Variants in CRIM1 observed in about 807,000 individuals in gnomAD.
CRIM1 encodes the protein cysteine-rich motor neuron 1 protein.
CRIM1 carries 32 observed loss-of-function variants against 116.4 expected under a neutral mutation model. The observed-to-expected ratio is 0.27, with a 90% CI of 0.21 to 0.37. The LOEUF (loss-of-function observed/expected upper bound fraction) is 0.37. CRIM1 is among the 10% of genes least tolerant of loss of function. CRIM1 has a pLI of 1.00. For missense variants in CRIM1, 1,331 were observed against 1,354.8 expected (o/e 0.98, Z 0.28); for synonymous variants, 590 against 509.2 (o/e 1.16, Z -2.13).
At chr2:36,424,284 T>C (rs776348509) in intron 2 of CRIM1, among the ~76,000 whole-genome samples, 12 of 152,184 alleles carry the variant, frequency 7.9e-5, no homozygotes, top group Non-Finnish European at 1.5e-4. Flanking sequence ...TGAAGAGATA[T>C]TCACAGAGGA....
intron 8 of CRIM1, among the ~76,000 whole-genome samples, chr2:36,505,887 T>C (rs2125098329): frequency 6.6e-6 from 1 of 152,308 alleles, no homozygotes; most frequent in East Asian, 1.9e-4. Context: ...TTCAAACACA[T>C]ACCATACCCA....
chr2:36,458,603 C>T (rs923619003), intron 4 of CRIM1, among the ~76,000 whole-genome samples: 5 of 152,190 alleles, frequency 3.3e-5, no homozygotes, highest in South Asian at 4.2e-4. Context: ...AAAAACAAAA[C>T]GTCACCAGTG....
intron 2 of CRIM1, among the ~76,000 whole-genome samples, chr2:36,405,033 A>G (rs1672683168): frequency 6.6e-6 from 1 of 152,114 alleles, no homozygotes; most frequent in Admixed American, 6.5e-5. Flanking sequence ...CTGTAGTACA[A>G]CCCTGTGCTG....
intron 13 of CRIM1, among the ~76,000 whole-genome samples, chr2:36,532,423 G>C (rs1408081503): frequency 1.3e-5 from 2 of 152,218 alleles, no homozygotes; most frequent in Non-Finnish European, 2.9e-5. Flanking sequence ...GTTAAACAGA[G>C]ATGTTCCTAA....
chr2:36,454,559 A>G (rs1676989727), intron 4 of CRIM1, among the ~76,000 whole-genome samples: 3 of 152,224 alleles, frequency 2.0e-5, no homozygotes, highest in Admixed American at 2.0e-4. Flanking sequence ...CTTGAGTATC[A>G]GCACAGAGGA....
intron 1 of CRIM1, among the ~76,000 whole-genome samples, chr2:36,370,800 G>T (rs1446247305): frequency 2.0e-5 from 3 of 152,024 alleles, no homozygotes; most frequent in Non-Finnish European, 2.9e-5. Flanking sequence ...CTTTAGAGGG[G>T]ACATATTTCA....
intron 12 of CRIM1, among the ~76,000 whole-genome samples, chr2:36,519,242 G>A (rs980941453): frequency 2.8e-4 from 43 of 152,190 alleles, no homozygotes; most frequent in African/African-American, 9.9e-4. Context: ...GGAGAGCTAT[G>A]TGGAGGTGGG....
At chr2:36,470,370 G>A (rs933344520) in intron 5 of CRIM1, among the ~76,000 whole-genome samples, 2 of 152,210 alleles carry the variant, frequency 1.3e-5, no homozygotes, top group African/African-American at 4.8e-5. Flanking sequence ...TGTAGAGGAA[G>A]CAGCCTTCTA....
intron 2 of CRIM1, among the ~76,000 whole-genome samples, chr2:36,401,054 G>A (rs1031337519): frequency 1.3e-5 from 2 of 152,062 alleles, no homozygotes; most frequent in Admixed American, 6.5e-5. Flanking sequence ...GTTTTTGGTG[G>A]TGATGCTGAA....
At chr2:36,396,864 C>G in intron 2 of CRIM1, 77 bp downstream of exon 2, 1 of 1,248,308 alleles carries the variant, frequency 8.0e-7, no homozygotes, top group South Asian at 1.6e-5. Flanking sequence ...AGTATTTGAG[C>G]TTGAAAAGGC....
chr2:36,442,873 G>A lies in CRIM1; in HGVS notation c.869+138G>A, dbSNP rs929980503. The A allele has an allele frequency of 1.9e-5, 19 of 976,228 alleles. No individual in the cohort carries two copies. The East Asian group carries it at 4.4e-4, about 22-fold the overall frequency. 60.5% of individuals were successfully genotyped at this position (976,228 alleles called of 1,614,324 possible). Reference sequence around the variant, plus strand: ...TCTGGAAGAAATCACTGAACTGTTTGCATTACTTGGTATTTATATGTATCT... The same window carrying A: ...TCTGGAAGAAATCACTGAACTGTTTACATTACTTGGTATTTATATGTATCT... On this transcript the variant is annotated intron_variant, in intron 4 of 16. Coordinates refer to ENST00000280527, the MANE Select transcript of CRIM1 (RefSeq NM_016441.3).
intron 8 of CRIM1, among the ~76,000 whole-genome samples, chr2:36,501,549 T>C (rs1680995851): frequency 6.6e-6 from 1 of 151,386 alleles, no homozygotes; most frequent in Non-Finnish European, 1.5e-5. Flanking sequence ...CAAAACCCCA[T>C]CTCTACAAAA....
chr2:36,502,100 T>TTG (rs2125090893), intron 8 of CRIM1, among the ~76,000 whole-genome samples: 1 of 152,280 alleles, frequency 6.6e-6, no homozygotes, highest in South Asian at 2.1e-4. Flanking sequence ...ACAGATTTCA[T>TTG]TGTGTCCAGT....
chr2:36,369,103 T>C (rs571470094), intron 1 of CRIM1: 1 of 152,362 alleles, frequency 6.6e-6, no homozygotes, highest in Admixed American at 6.5e-5. Context: ...TTGCTTTTCT[T>C]CCAGGTTGGT....
At chr2:36,454,728 A>T (rs1677007768) in intron 4 of CRIM1, among the ~76,000 whole-genome samples, 1 of 152,076 alleles carries the variant, frequency 6.6e-6, no homozygotes, top group African/African-American at 2.4e-5. Flanking sequence ...GCTTCTCTTG[A>T]GTACATGGAA....
chr2:36,445,866 A>C (rs113838903), intron 4 of CRIM1, among the ~76,000 whole-genome samples: 3 of 152,190 alleles, frequency 2.0e-5, no homozygotes, highest in Admixed American at 2.0e-4. Flanking sequence ...TGTGTGAGCC[A>C]TGTCAAATGT....
intron 9 of CRIM1, among the ~76,000 whole-genome samples, chr2:36,511,456 A>C (rs1241591953): frequency 6.6e-6 from 1 of 152,220 alleles, no homozygotes; most frequent in African/African-American, 2.4e-5. Flanking sequence ...ATATGATGTC[A>C]ATAAGAGTAT....
intron 1 of CRIM1, among the ~76,000 whole-genome samples, chr2:36,369,820 G>C (rs993561815): frequency 1.3e-5 from 2 of 152,198 alleles, no homozygotes; most frequent in Admixed American, 1.3e-4. Flanking sequence ...AATACTCTTT[G>C]AGAGACAGGA....
At chr2:36,476,636 G>A (rs1345619489) in intron 5 of CRIM1, among the ~76,000 whole-genome samples, 1 of 152,196 alleles carries the variant, frequency 6.6e-6, no homozygotes, top group Non-Finnish European at 1.5e-5. Flanking sequence ...GTCTGGGATG[G>A]AAGGAAGTCA....
Sources: allele counts gnomAD v4.1 joint callset (sites outside exome capture counted in the v4.1 genomes callset), GRCh38; gene constraint gnomAD v4.1.1; transcripts MANE v1.5; gene names NCBI Gene and HGNC (gene_info 2026-07-23, HGNC 2026-07-21).